Variants in NRXN3 observed in about 807,000 individuals in gnomAD.
NRXN3 encodes neurexin III.
NRXN3 carries 32 observed loss-of-function variants against 137.6 expected under a neutral mutation model. That is an observed-to-expected ratio of 0.23 (90% CI 0.18 to 0.31). The LOEUF is 0.31. NRXN3 is among the 10% of genes least tolerant of loss of function. The pLI, the probability that NRXN3 is intolerant of heterozygous loss-of-function variation, is 1.00. For missense variants in NRXN3, 1,574 were observed against 2,062.5 expected (o/e 0.76, Z 4.59); for synonymous variants, 798 against 784.5 (o/e 1.02, Z -0.29).
intron 4 of NRXN3, among the ~76,000 whole-genome samples, chr14:78,531,881 T>A (rs1173954548): frequency 3.3e-5 from 5 of 152,194 alleles, no homozygotes; most frequent in Non-Finnish European, 7.3e-5. Context: ...TTTCAGAATT[T>A]TCAGTTAACA....
At chr14:79,076,655 T>A (rs1460311136) in intron 15 of NRXN3, among the ~76,000 whole-genome samples, 1 of 152,196 alleles carries the variant, frequency 6.6e-6, no homozygotes, top group East Asian at 1.9e-4. Flanking sequence ...TCTACTGTAT[T>A]CTATTCATCA....
chr14:79,340,942 CAG>C (rs2092578251), intron 15 of NRXN3, among the ~76,000 whole-genome samples: 1 of 152,138 alleles, frequency 6.6e-6, no homozygotes, highest in Admixed American at 6.5e-5. Context: ...CAGAACATTT[CAG>C]AGTCATGTTA....
chr14:78,586,923 G>A (rs771873869), intron 4 of NRXN3, among the ~76,000 whole-genome samples: 1 of 152,192 alleles, frequency 6.6e-6, no homozygotes, highest in Non-Finnish European at 1.5e-5. Flanking sequence ...GGCAGTGCTC[G>A]CCTGAGGAAT....
At chr14:78,905,465 T>C (rs1366349269) in intron 10 of NRXN3, among the ~76,000 whole-genome samples, 2 of 151,740 alleles carry the variant, frequency 1.3e-5, no homozygotes, top group African/African-American at 4.8e-5. Context: ...CATAACTTTT[T>C]TGAATAAAAG....
At chr14:78,697,018 T>C (rs905783297) in intron 6 of NRXN3, among the ~76,000 whole-genome samples, 2 of 152,202 alleles carry the variant, frequency 1.3e-5, no homozygotes, top group African/African-American at 4.8e-5. Flanking sequence ...ACATTGCTCG[T>C]TGATCACAGT....
At chr14:78,327,043 T>C (rs925795406) in intron 4 of NRXN3, among the ~76,000 whole-genome samples, 1 of 152,188 alleles carries the variant, frequency 6.6e-6, no homozygotes, top group African/African-American at 2.4e-5. Flanking sequence ...TTTTAAGTAC[T>C]TACAAGAATA....
chr14:79,201,902 T>G (rs1288172668), intron 15 of NRXN3, among the ~76,000 whole-genome samples: 1 of 152,180 alleles, frequency 6.6e-6, no homozygotes, highest in Non-Finnish European at 1.5e-5. Flanking sequence ...ACTATTACTA[T>G]CCTTATTGTA....
At chr14:79,504,655 G>GTATATATA (rs994714026) in intron 16 of NRXN3, among the ~76,000 whole-genome samples, 43 of 104,224 alleles carry the variant, frequency 4.1e-4, no homozygotes, top group Middle Eastern at 5.6e-3. Flanking sequence ...ATATATATAT[G>GTATATATA]TATATATATA....
At chr14:78,790,820 T>C (rs941847364) in intron 8 of NRXN3, among the ~76,000 whole-genome samples, 2 of 152,192 alleles carry the variant, frequency 1.3e-5, no homozygotes, top group African/African-American at 4.8e-5. Context: ...GTGCTAGGAA[T>C]GAACGTCAGC....
At chr14:78,308,654 C>A (rs2077617096) in intron 4 of NRXN3, among the ~76,000 whole-genome samples, 2 of 152,112 alleles carry the variant, frequency 1.3e-5, no homozygotes, top group South Asian at 4.2e-4. Flanking sequence ...CTCGCAAATG[C>A]CTGCAGATCT....
chr14:78,596,008 G>A (rs2097155212), intron 4 of NRXN3, among the ~76,000 whole-genome samples: 1 of 152,082 alleles, frequency 6.6e-6, no homozygotes, highest in African/African-American at 2.4e-5. Flanking sequence ...CATCTAGTGG[G>A]TAGAGACCTG....
chr14:78,864,822 C>T (rs1307940719), intron 10 of NRXN3, among the ~76,000 whole-genome samples: 4 of 152,104 alleles, frequency 2.6e-5, no homozygotes, highest in East Asian at 1.9e-4. Flanking sequence ...CTGGGGGAAA[C>T]TTAGCAAGGC....
At chr14:79,697,964 C>A in intron 19 of NRXN3, 27 bp downstream of exon 19, 2 of 1,583,162 alleles carry the variant, frequency 1.3e-6, no homozygotes, top group South Asian at 1.1e-5. Context: ...GTATTAATTG[C>A]GTCTGTATTT....
chr14:78,479,305 C>G (rs1352741665), intron 4 of NRXN3, among the ~76,000 whole-genome samples: 4 of 152,214 alleles, frequency 2.6e-5, no homozygotes, highest in African/African-American at 9.6e-5. Context: ...AACCACTCCT[C>G]TAACTGCTGA....
chr14:78,668,047 A>G (rs761597213), intron 6 of NRXN3, among the ~76,000 whole-genome samples: 1 of 152,118 alleles, frequency 6.6e-6, no homozygotes, highest in Non-Finnish European at 1.5e-5. Context: ...CGGTCTCCCA[A>G]AGTGTTGGGA....
At chr14:79,620,707 T>C (rs1199717253) in intron 16 of NRXN3, among the ~76,000 whole-genome samples, 1 of 152,034 alleles carries the variant, frequency 6.6e-6, no homozygotes, top group East Asian at 1.9e-4. Flanking sequence ...TTTTCTAATG[T>C]TTGAGATGAT....
At chr14:78,624,372 C>T (rs191062896) in intron 4 of NRXN3, among the ~76,000 whole-genome samples, 4 of 152,242 alleles carry the variant, frequency 2.6e-5, no homozygotes, top group East Asian at 3.9e-4. Context: ...CTATTATGCC[C>T]CTGACACACT....
At chr14:79,800,615 C>T (rs1349878063) in intron 19 of NRXN3, among the ~76,000 whole-genome samples, 7 of 152,198 alleles carry the variant, frequency 4.6e-5, no homozygotes, top group African/African-American at 4.8e-5. Flanking sequence ...CTACTTATAG[C>T]AATTCTATTC....
At chr14:79,656,213 T>G (rs1277730235) in intron 16 of NRXN3, among the ~76,000 whole-genome samples, 1 of 152,178 alleles carries the variant, frequency 6.6e-6, no homozygotes, top group Non-Finnish European at 1.5e-5. Context: ...TGGTTGAGAT[T>G]TAGCGGGGAA....
Sources: gnomAD v4.1 joint callset for allele counts (sites outside exome capture counted in the v4.1 genomes callset) on GRCh38, gnomAD v4.1.1 for gene constraint, MANE v1.5 for transcripts, NCBI Gene and HGNC (gene_info 2026-07-23, HGNC 2026-07-21) for gene names.